Variants in MAPK10 observed in about 807,000 individuals in gnomAD.
MAPK10 encodes JNK3 alpha protein kinase.
A neutral mutation model predicts 59.3 loss-of-function variants in MAPK10; 25 were observed. The ratio of observed to expected loss-of-function variants is 0.42; its 90% confidence interval spans 0.31 to 0.59. The LOEUF (loss-of-function observed/expected upper bound fraction) is 0.59. Among genes scored for constraint, MAPK10 ranks in the 20% least tolerant of loss-of-function variants. The pLI, the probability that MAPK10 is intolerant of heterozygous loss-of-function variation, is 0.15. For missense variants in MAPK10, 351 were observed against 568.9 expected (o/e 0.62, Z 3.90); for synonymous variants, 190 against 200.5 (o/e 0.95, Z 0.44).
chr4:86,240,780 G>C (rs2092673817), intron 2 of MAPK10, among the ~76,000 whole-genome samples: 1 of 152,010 alleles, frequency 6.6e-6, no homozygotes, highest in Admixed American at 6.5e-5. Context: ...GATGGGTCTT[G>C]ACTCCTCATC....
At position 86,511,670 on chromosome 4, in the gene MAPK10, GGAAGAA is replaced by G. The variant is rs887300627; in HGVS notation, c.-263+82234_-263+82239del. On this transcript the variant is annotated intron_variant, in intron 1 of 4. Coordinates refer to the MAPK10 transcript ENST00000502302. ...TACAGAAGGAGGAGGAGGAGGAAGA[GGAAGAA>G]GAAGAAGAACAGGAAGAAGAAGAAG... Among the ~76,000 whole-genome samples the G allele has an allele frequency of 2.0e-5, 3 of 148,624 alleles. No individual in the cohort carries two copies. The Admixed American group carries it at 2.1e-4, about 10-fold the overall frequency.
chr4:86,341,626 G>A (rs11097106), intron 2 of MAPK10, among the ~76,000 whole-genome samples: 111,071 of 151,876 alleles, frequency 0.73, 41,200 homozygotes, highest in South Asian at 0.9. Flanking sequence ...ATATATGAAA[G>A]AGCAATGAAT....
chr4:86,520,818 G>T (rs978685202), intron 1 of MAPK10, among the ~76,000 whole-genome samples: 2 of 152,186 alleles, frequency 1.3e-5, no homozygotes, highest in African/African-American at 2.4e-5. Context: ...TTGATGTGGT[G>T]CTCTCCCCCT....
At chr4:86,114,971 G>C (rs1386653158) in intron 4 of MAPK10, among the ~76,000 whole-genome samples, 1 of 152,252 alleles carries the variant, frequency 6.6e-6, no homozygotes, top group Non-Finnish European at 1.5e-5. Context: ...ACTGTGATGT[G>C]CTGCTATGGG....
intron 1 of MAPK10, among the ~76,000 whole-genome samples, chr4:86,373,678 A>G (rs1032159825): frequency 6.6e-6 from 1 of 152,252 alleles, no homozygotes; most frequent in Non-Finnish European, 1.5e-5. Context: ...TAGTCATTAG[A>G]GAAATGCAAA....
intron 3 of MAPK10, 29 bp downstream of exon 3, chr4:86,194,307 A>G: frequency 1.9e-6 from 3 of 1,571,188 alleles, no homozygotes; most frequent in Non-Finnish European, 2.6e-6. Flanking sequence ...AATATACTGT[A>G]CCTTGTTTTA....
chr4:86,567,018 C>A (rs778503409), intron 1 of MAPK10, among the ~76,000 whole-genome samples: 64 of 152,258 alleles, frequency 4.2e-4, no homozygotes, highest in Non-Finnish European at 6.9e-4. Context: ...CTGCAGTGAG[C>A]TGTGATCGCT....
chr4:86,407,870 A>C (rs1190022975), intron 1 of MAPK10, among the ~76,000 whole-genome samples: 1 of 152,098 alleles, frequency 6.6e-6, no homozygotes, highest in Non-Finnish European at 1.5e-5. Context: ...AAATCTGGCC[A>C]TAATTTCAGG....
At chr4:86,468,682 C>T (rs1752411595) in intron 1 of MAPK10, among the ~76,000 whole-genome samples, 1 of 151,962 alleles carries the variant, frequency 6.6e-6, no homozygotes, top group African/African-American at 2.4e-5. Flanking sequence ...GGTGATACCC[C>T]ATCTCTACTA....
intron 1 of MAPK10, among the ~76,000 whole-genome samples, chr4:86,502,723 A>T (rs1282795855): frequency 1.3e-5 from 2 of 152,078 alleles, no homozygotes; most frequent in African/African-American, 4.8e-5. Context: ...TCTTTGGTAC[A>T]TTCTTTCCTT....
intron 1 of MAPK10, among the ~76,000 whole-genome samples, chr4:86,530,917 C>G (rs1311182340): frequency 1.3e-5 from 2 of 152,176 alleles, no homozygotes; most frequent in Non-Finnish European, 2.9e-5. Flanking sequence ...GACAAGAAGA[C>G]TACTTAGAGA....
intron 2 of MAPK10, among the ~76,000 whole-genome samples, chr4:86,305,751 G>A (rs1265516074): frequency 6.7e-6 from 1 of 149,796 alleles, no homozygotes; most frequent in African/African-American, 2.5e-5. Context: ...CCCGGGAGGC[G>A]GAGGTGTCAG....
intron 1 of MAPK10, among the ~76,000 whole-genome samples, chr4:86,396,054 T>G (rs114199561): frequency 0.013 from 2,045 of 152,188 alleles, 30 homozygotes; most frequent in South Asian, 0.045. Flanking sequence ...CCTAAGAAAG[T>G]AGTGTTTCCG....
intron 4 of MAPK10, among the ~76,000 whole-genome samples, chr4:86,145,578 G>A (rs2064782585): frequency 1.3e-5 from 2 of 151,938 alleles, no homozygotes; most frequent in Admixed American, 1.3e-4. Flanking sequence ...AATTATTTTT[G>A]GTTTCTTGAG....
chr4:86,420,151 A>G, intron 1 of MAPK10, among the ~76,000 whole-genome samples: 1 of 152,200 alleles, frequency 6.6e-6, no homozygotes, highest in Non-Finnish European at 1.5e-5. Context: ...TTTGTCAAGG[A>G]GCTGCATATC....
intron 4 of MAPK10, among the ~76,000 whole-genome samples, chr4:86,135,727 T>C (rs1186154101): frequency 6.6e-6 from 1 of 150,402 alleles, no homozygotes; most frequent in South Asian, 2.1e-4. Flanking sequence ...CTTCAGACGA[T>C]CAAATTACTG....
chr4:86,155,399 C>A (rs975836193), intron 4 of MAPK10, among the ~76,000 whole-genome samples: 15 of 151,440 alleles, frequency 9.9e-5, no homozygotes, highest in African/African-American at 3.4e-4. Flanking sequence ...TATATGATAC[C>A]TAACCAATTA....
chr4:86,484,008 T>C (rs1753793322), intron 1 of MAPK10, among the ~76,000 whole-genome samples: 1 of 152,056 alleles, frequency 6.6e-6, no homozygotes, highest in Non-Finnish European at 1.5e-5. Context: ...GGCAGAGATT[T>C]ATGGGAGAGC....
At chr4:86,033,148 G>A (rs950781941) in intron 11 of MAPK10, among the ~76,000 whole-genome samples, 3 of 152,242 alleles carry the variant, frequency 2.0e-5, no homozygotes, top group African/African-American at 4.8e-5. Context: ...GTGAGTGAAT[G>A]AGTAAAATGA....
Sources: allele counts gnomAD v4.1 joint callset (sites outside exome capture counted in the v4.1 genomes callset), GRCh38; gene constraint gnomAD v4.1.1; transcripts MANE v1.5; gene names NCBI Gene and HGNC (gene_info 2026-07-23, HGNC 2026-07-21).